Variants in NUDT9 observed in about 807,000 individuals in gnomAD.
The protein encoded by NUDT9 is ADP-ribose pyrophosphatase.
In NUDT9, 31 loss-of-function variants were observed where a neutral mutation model predicts 41.0. That is an observed-to-expected ratio of 0.76 (90% CI 0.57 to 1.02). The LOEUF is 1.02. Ranked by LOEUF, NUDT9 falls within the 50% of genes least tolerant of loss-of-function variation. The pLI is 0.00. For missense variants in NUDT9, 380 were observed against 431.4 expected (o/e 0.88, Z 1.06); for synonymous variants, 146 against 147.6 (o/e 0.99, Z 0.08).
At chr4:87,429,694 C>G (rs1205625270) in intron 1 of NUDT9, among the ~76,000 whole-genome samples, 2 of 140,158 alleles carry the variant, frequency 1.4e-5, no homozygotes, top group African/African-American at 5.3e-5. Context: ...CCCCGTTTCC[C>G]CCCCATCTTT....
At chr4:87,432,618 C>T (rs1721735454) in intron 1 of NUDT9, among the ~76,000 whole-genome samples, 1 of 152,128 alleles carries the variant, frequency 6.6e-6, no homozygotes, top group Non-Finnish European at 1.5e-5. Flanking sequence ...CAGTCTTTCA[C>T]CTTCACACCA....
At chr4:87,428,062 A>G (rs1721512117) in intron 1 of NUDT9, among the ~76,000 whole-genome samples, 1 of 152,200 alleles carries the variant, frequency 6.6e-6, no homozygotes, top group Non-Finnish European at 1.5e-5. Context: ...TGCTTTTAGT[A>G]AAGTTAGTCA....
At position 87,435,196 on chromosome 4, in the gene NUDT9, C is replaced by G. The variant is rs748958580; in HGVS notation, c.323C>G (p.Pro108Arg). The G allele has an allele frequency of 1.2e-6, 2 of 1,613,486 alleles. No individual in the cohort carries two copies. The highest frequency in any genetic ancestry group is 4.5e-5 in the East Asian group (2 of 44,870). ...ACTGCAGTCTCTGTCTTGGCTGGAC[C>G]CAGGTGGGCAGATCCTCAGATCAGG... ...EYTAVSVLAGPRWADPQISES... is the reference protein window; with the variant it reads ...EYTAVSVLAGRRWADPQISES... Residue 108 changes from proline (P) to arginine (R), a missense_variant, in exon 2 of 8, where the codon CCC becomes CGC. Transcript: ENST00000302174.
At chr4:87,441,153 TA>T (rs1722187542) in intron 3 of NUDT9, among the ~76,000 whole-genome samples, 1 of 152,176 alleles carries the variant, frequency 6.6e-6, no homozygotes, top group South Asian at 2.1e-4. Flanking sequence ...AATTACATGT[TA>T]GAACATTTTA....
rs116799342 is a variant in NUDT9 at position 87,451,703 on chromosome 4, T to C, written c.757T>C (p.Leu253=). The C allele has an allele frequency of 4.3e-6, 7 of 1,613,784 alleles. No individual in the cohort carries two copies. The East Asian group carries it at 1.6e-4, about 36-fold the overall frequency. ...TGAGAAGAGAGAAATAGAGGAAAAG[T>C]TGCACAAACTCTTCAGCCAAGACCA... is the stretch of plus-strand genomic sequence containing the variant. ...SAEKREIEEK[L]HKLFSQDHLV... Residue 253 remains leucine, a synonymous_variant, in exon 6 of 8, where the codon TTG becomes CTG. Coordinates refer to ENST00000302174, the MANE Select transcript of NUDT9 (RefSeq NM_024047.5).
At chr4:87,439,817 C>T (rs1163236726) in intron 3 of NUDT9, among the ~76,000 whole-genome samples, 1 of 152,164 alleles carries the variant, frequency 6.6e-6, no homozygotes, top group Non-Finnish European at 1.5e-5. Context: ...GGTGGAGTCA[C>T]AGAGCCAAAT....
chr4:87,438,911 A>G (rs1483940975), intron 3 of NUDT9, among the ~76,000 whole-genome samples: 1 of 152,220 alleles, frequency 6.6e-6, no homozygotes, highest in African/African-American at 2.4e-5. Flanking sequence ...TCACGCCTGT[A>G]ATCCCAGCAC....
chr4:87,435,145 G>T lies in NUDT9; in HGVS notation c.272G>T (p.Trp91Leu), dbSNP rs1214639989. The change falls in exon 2 of 8, where the codon TGG becomes TTG. Residue 91 changes from tryptophan to leucine, a missense_variant. Physicochemically the swap from Trp to Leu is moderately conservative, Grantham distance 61. Transcript: ENST00000302174. The stretch of plus-strand genomic sequence containing the variant: ...GAGAAAGTGGGCTGGCTTGTTGAGT[G>T]GCAAGACTATAAGCCTGTGGAATAC... The part of the protein sequence containing the change: ...PNEKVGWLVE[W>L]QDYKPVEYTA... 4 of 1,614,212 alleles carry T rather than the reference G, an allele frequency of 2.5e-6. No individual in the cohort carries two copies. Among genetic ancestry groups the T allele is most frequent in the Non-Finnish European group, 3.4e-6 (4 of 1,180,038 alleles).
chr4:87,429,356 C>T (rs996282832), intron 1 of NUDT9, among the ~76,000 whole-genome samples: 4 of 152,066 alleles, frequency 2.6e-5, no homozygotes, highest in African/African-American at 4.8e-5. Flanking sequence ...GTCTCACTGT[C>T]TCACCTAGGG....
chr4:87,452,311 A>G (rs12650763), intron 6 of NUDT9, among the ~76,000 whole-genome samples: 38,227 of 151,916 alleles, frequency 0.25, 4,902 homozygotes, highest in African/African-American at 0.29. Context: ...CCTGTAAACT[A>G]TTTTCTTTCA....
chr4:87,446,494 A>G (rs879904733), intron 4 of NUDT9, among the ~76,000 whole-genome samples: 76 of 152,190 alleles, frequency 5.0e-4, no homozygotes, highest in African/African-American at 1.6e-3. Context: ...CGGCCTCTCA[A>G]AGTGCTGGGA....
At chr4:87,445,103 A>G (rs112972848) in intron 4 of NUDT9, among the ~76,000 whole-genome samples, 2 of 152,256 alleles carry the variant, frequency 1.3e-5, no homozygotes, top group African/African-American at 4.8e-5. Context: ...CAGTGCTATC[A>G]TTAGTTTTTC....
intron 2 of NUDT9, among the ~76,000 whole-genome samples, chr4:87,436,683 ATCATTTAAT>A (rs1310792786): frequency 2.0e-5 from 3 of 152,084 alleles, no homozygotes; most frequent in Non-Finnish European, 2.9e-5. Flanking sequence ...CATGGTTTTT[ATCATTTAAT>A]TCTTTTTATT....
chr4:87,422,696 A>G lies in NUDT9; in HGVS notation c.-210A>G. On this transcript the variant is annotated 5_prime_UTR_variant, in exon 1 of 8. Transcript: ENST00000302174. ...TGCTGGTCTGGATTTTTCTCGATGC[A>G]CTGGGGAAAGCGGTGGACTCTTATC... is the stretch of plus-strand genomic sequence containing the variant. 4.7e-6 allele frequency: 2 copies of G among 429,680 alleles called. No individual in the cohort carries two copies. The highest frequency in any genetic ancestry group is 8.2e-6 in the Non-Finnish European group (2 of 243,100). 26.6% of individuals were successfully genotyped at this position (429,680 alleles called of 1,614,324 possible).
At chr4:87,438,153 ACT>A in intron 2 of NUDT9, 122 bp from the exon 3 acceptor site, 16 of 486,118 alleles carry the variant, frequency 3.3e-5, no homozygotes, top group East Asian at 1.1e-4. Flanking sequence ...AAAAAAAAAA[ACT>A]AACCCTTAAA....
intron 1 of NUDT9, among the ~76,000 whole-genome samples, chr4:87,433,809 A>G (rs1721789375): frequency 6.6e-6 from 1 of 152,192 alleles, no homozygotes; most frequent in South Asian, 2.1e-4. Context: ...TATGCTATCC[A>G]GTTATTTCAT....
rs977927152 is a variant in NUDT9 at position 87,435,221 on chromosome 4, G to C, written c.347+1G>C. 1 of 1,607,872 alleles carries C rather than the reference G, an allele frequency of 6.2e-7. No individual in the cohort carries two copies. Among genetic ancestry groups the C allele is most frequent in the African/African-American group, 1.3e-5 (1 of 74,856 alleles). ...CCAGGTGGGCAGATCCTCAGATCAGGTGAGCAAATAAGACAGCGTTAGCTG... is the reference window on the plus strand; with the variant it reads ...CCAGGTGGGCAGATCCTCAGATCAGCTGAGCAAATAAGACAGCGTTAGCTG... On this transcript the variant is annotated splice_donor_variant, in intron 2 of 7. Transcript: ENST00000302174. LOFTEE classifies it high-confidence loss of function.
chr4:87,441,599 A>G (rs1320595731), intron 3 of NUDT9, among the ~76,000 whole-genome samples: 2 of 152,212 alleles, frequency 1.3e-5, no homozygotes, highest in Non-Finnish European at 2.9e-5. Flanking sequence ...CACTTGGGGT[A>G]TGAGAGCCTC....
At chr4:87,449,482 G>C (rs926319648) in intron 5 of NUDT9, among the ~76,000 whole-genome samples, 2 of 152,138 alleles carry the variant, frequency 1.3e-5, no homozygotes, top group African/African-American at 4.8e-5. Context: ...GGGAAATAAC[G>C]TGGGCTTTGA....
Sources: gnomAD v4.1 joint callset for allele counts (sites outside exome capture counted in the v4.1 genomes callset) on GRCh38, gnomAD v4.1.1 for gene constraint, MANE v1.5 for transcripts, NCBI Gene and HGNC (gene_info 2026-07-23, HGNC 2026-07-21) for gene names.